The following PLGRKT variants were observed in gnomAD, a reference collection of about 807,000 sequenced individuals.
The protein encoded by PLGRKT is plasminogen receptor (KT).
A neutral mutation model predicts 18.5 loss-of-function variants in PLGRKT; 22 were observed. The ratio of observed to expected loss-of-function variants is 1.19; its 90% CI spans 0.85 to 1.70. The LOEUF (loss-of-function observed/expected upper bound fraction) is 1.70. PLGRKT is among the 40% of genes most tolerant of loss of function. PLGRKT has a pLI of 0.00. For missense variants in PLGRKT, 235 were observed against 174.4 expected, an observed-to-expected ratio of 1.35 and a Z score of -1.96; for synonymous variants, 72 against 52.8, an observed-to-expected ratio of 1.36 and a Z score of -1.58.
In PLGRKT at chr9:5,406,928, T is replaced by C. The variant is rs564132744; in HGVS notation, c.81+24969A>G. Among the ~76,000 whole-genome samples, 6 of 152,308 alleles carry C rather than the reference T, an allele frequency of 3.9e-5. No individual in the cohort carries two copies. In the South Asian group the frequency reaches 1.2e-3, roughly 32 times the overall value. On this transcript the variant is annotated intron_variant, in intron 3 of 5. Coordinates refer to ENST00000223864, the MANE Select transcript of PLGRKT (RefSeq NM_018465.4). ...ATAAAAATGAAGTTAAGGTATAAGG[T>C]CTACAGTTGCAGCTCTCACTGTGCT...
intron 3 of PLGRKT, among the ~76,000 whole-genome samples, chr9:5,405,555 A>G (rs529947989): frequency 6.6e-6 from 1 of 152,374 alleles, no homozygotes; most frequent in African/African-American, 2.4e-5. Context: ...ATGGTTAGCC[A>G]TATGTAGAAA....
intron 3 of PLGRKT, among the ~76,000 whole-genome samples, chr9:5,363,231 T>C (rs1424394915): frequency 6.6e-6 from 1 of 151,912 alleles, no homozygotes; most frequent in African/African-American, 2.4e-5. Flanking sequence ...TCTGCTTTGT[T>C]TTCTGTTCAA....
intron 3 of PLGRKT, among the ~76,000 whole-genome samples, chr9:5,405,445 G>A: frequency 6.6e-6 from 1 of 152,104 alleles, no homozygotes; most frequent in East Asian, 1.9e-4. Context: ...ACATAACTCG[G>A]AAATGAAACT....
At position 5,432,952 on chromosome 9, in the gene PLGRKT, C is replaced by T. The variant is rs374617308; in HGVS notation, c.-6-969G>A. 1.5e-3 allele frequency among the ~76,000 whole-genome samples: 227 copies of T among 152,064 alleles called. 1 individual carries two copies. The highest frequency in any genetic ancestry group is 6.8e-3 in the Middle Eastern group (2 of 294). On this transcript the variant is annotated intron_variant, in intron 2 of 5. Transcript: ENST00000223864. The stretch of plus-strand genomic sequence containing the variant: ...GAAGTGAGCAGCGTCTCTGCCTGGC[C>T]GCCCTGTCTGGGAGGTGAGGAGCAT...
chr9:5,387,727 A>T (rs1486609145), intron 3 of PLGRKT, among the ~76,000 whole-genome samples: 1 of 151,814 alleles, frequency 6.6e-6, no homozygotes, highest in Non-Finnish European at 1.5e-5. Flanking sequence ...AGGAATAAAC[A>T]TCTGTAGAAA....
At chr9:5,383,460 C>T (rs2104175) in intron 3 of PLGRKT, among the ~76,000 whole-genome samples, 1 of 152,006 alleles carries the variant, frequency 6.6e-6, no homozygotes, top group East Asian at 1.9e-4. Context: ...ACCAGGTTGA[C>T]GGATGGTTTC....
intron 3 of PLGRKT, among the ~76,000 whole-genome samples, chr9:5,424,223 A>T (rs958201247): frequency 7.3e-6 from 1 of 137,822 alleles, no homozygotes; most frequent in African/African-American, 2.7e-5. Flanking sequence ...TATGTAATAT[A>T]TATGTATTTA....
At chr9:5,396,420 G>T (rs1227600881) in intron 3 of PLGRKT, among the ~76,000 whole-genome samples, 2 of 151,378 alleles carry the variant, frequency 1.3e-5, no homozygotes, top group Non-Finnish European at 2.9e-5. Flanking sequence ...CGAGTAGCTG[G>T]CACTACAGGC....
intron 3 of PLGRKT, among the ~76,000 whole-genome samples, chr9:5,366,704 C>G (rs983351328): frequency 2.0e-5 from 3 of 152,076 alleles, no homozygotes; most frequent in Non-Finnish European, 4.4e-5. Context: ...CAAGGATGCC[C>G]CCTCTCACCA....
At chr9:5,420,955 C>T (rs1473646883) in intron 3 of PLGRKT, among the ~76,000 whole-genome samples, 2 of 152,196 alleles carry the variant, frequency 1.3e-5, no homozygotes. Flanking sequence ...TAGTTATTTG[C>T]TGCTTTAACT....
intron 3 of PLGRKT, among the ~76,000 whole-genome samples, chr9:5,431,600 T>A (rs1028109125): frequency 6.7e-6 from 1 of 148,160 alleles, no homozygotes; most frequent in Non-Finnish European, 1.5e-5. Flanking sequence ...TAATCCAGGA[T>A]AATCTCCCCA....
At chr9:5,431,531 C>CAAAA (rs1191361436) in intron 3 of PLGRKT, among the ~76,000 whole-genome samples, 23 of 76,956 alleles carry the variant, frequency 3.0e-4, no homozygotes, top group Non-Finnish European at 3.8e-4. Context: ...GAGACTCTCT[C>CAAAA]AAAAAAAAAA....
At chr9:5,402,228 G>C (rs556060728) in intron 3 of PLGRKT, among the ~76,000 whole-genome samples, 1 of 151,998 alleles carries the variant, frequency 6.6e-6, no homozygotes, top group Non-Finnish European at 1.5e-5. Context: ...GGTAGAGATA[G>C]TATTCCCTCA....
At chr9:5,398,496 G>A (rs1303775614) in intron 3 of PLGRKT, among the ~76,000 whole-genome samples, 1 of 151,928 alleles carries the variant, frequency 6.6e-6, no homozygotes, top group Non-Finnish European at 1.5e-5. Flanking sequence ...TTTGTAGCAA[G>A]TGCTTTGAAT....
intron 3 of PLGRKT, among the ~76,000 whole-genome samples, chr9:5,409,633 G>C (rs989135769): frequency 6.6e-6 from 1 of 152,298 alleles, no homozygotes; most frequent in East Asian, 1.9e-4. Context: ...GAGCAGTTGT[G>C]GGGGCTGAAC....
chr9:5,359,807 G>C (rs1386029447), intron 5 of PLGRKT, among the ~76,000 whole-genome samples: 1 of 152,154 alleles, frequency 6.6e-6, no homozygotes, highest in Non-Finnish European at 1.5e-5. Flanking sequence ...TGTGACAGCA[G>C]CAGTATGCTG....
intron 3 of PLGRKT, among the ~76,000 whole-genome samples, chr9:5,386,058 T>C (rs1238955207): frequency 6.6e-6 from 1 of 151,800 alleles, no homozygotes; most frequent in East Asian, 1.9e-4. Context: ...ATAGCTTCTG[T>C]GGGACCTGAG....
At chr9:5,376,335 G>A (rs1257548194) in intron 3 of PLGRKT, among the ~76,000 whole-genome samples, 1 of 152,150 alleles carries the variant, frequency 6.6e-6, no homozygotes, top group African/African-American at 2.4e-5. Flanking sequence ...TCTGGGCCTT[G>A]CAACCAGACT....
At chr9:5,401,695 A>G (rs111352981) in intron 3 of PLGRKT, among the ~76,000 whole-genome samples, 1,898 of 152,098 alleles carry the variant, frequency 0.012, 75 homozygotes, top group African/African-American at 0.044. Flanking sequence ...TGAGGAAAAC[A>G]GGTATTCAAA....
Sources: gnomAD v4.1 joint callset for allele counts (sites outside exome capture counted in the v4.1 genomes callset) on GRCh38, gnomAD v4.1.1 for gene constraint, MANE v1.5 for transcripts, NCBI Gene and HGNC (gene_info 2026-07-23, HGNC 2026-07-21) for gene names.